EPHB1: variants seen among roughly 807,000 people sequenced by gnomAD.
EPHB1 encodes the protein ephrin type-B receptor 1.
EPHB1 carries 30 observed loss-of-function variants against 94.4 expected under a neutral mutation model. The observed-to-expected ratio is 0.32, with a 90% confidence interval of 0.24 to 0.43. The LOEUF (loss-of-function observed/expected upper bound fraction) is 0.43, where lower values mean the gene tolerates loss of function less well. Ranked by LOEUF, EPHB1 falls within the 20% of genes least tolerant of loss-of-function variation. EPHB1 has a pLI of 1.00. For missense variants in EPHB1, 1,055 were observed against 1,308.3 expected, an observed-to-expected ratio of 0.81 and a Z score of 2.99; for synonymous variants, 522 against 489.1, an observed-to-expected ratio of 1.07 and a Z score of -0.89.
chr3:135,103,343 A>G (rs1043685471), intron 3 of EPHB1, among the ~76,000 whole-genome samples: 1 of 152,334 alleles, frequency 6.6e-6, no homozygotes, highest in African/African-American at 2.4e-5. Context: ...GAAATAATAT[A>G]TGTAGAAACA....
In EPHB1 at chr3:135,192,676, G is replaced by A. The variant is rs891660829; in HGVS notation, c.1983G>A (p.Gln661=). Residue 661 remains glutamine, a synonymous_variant, in exon 11 of 16, where the codon CAG becomes CAA. Transcript: ENST00000398015. ...TGAAGGCAGGGTACTCGGAGAAGCA[G>A]CGTCGGGACTTTCTGAGTGAGGCGA... ...KTLKAGYSEK[Q]RRDFLSEASI... 4 of 1,614,198 alleles carry A rather than the reference G, an allele frequency of 2.5e-6. No homozygotes were observed. Among genetic ancestry groups the A allele is most frequent in the Admixed American group, 3.3e-5 (2 of 60,030 alleles).
chr3:134,862,875 T>C (rs1245200374), intron 1 of EPHB1, among the ~76,000 whole-genome samples: 2 of 152,244 alleles, frequency 1.3e-5, no homozygotes, highest in Non-Finnish European at 2.9e-5. Context: ...AGACTGTACG[T>C]CACACACAGG....
At chr3:135,163,232 T>C (rs1941561302) in intron 7 of EPHB1, among the ~76,000 whole-genome samples, 1 of 152,226 alleles carries the variant, frequency 6.6e-6, no homozygotes, top group Non-Finnish European at 1.5e-5. Context: ...TGGGTTCTTA[T>C]ACAAATCAGG....
intron 1 of EPHB1, among the ~76,000 whole-genome samples, chr3:134,915,577 T>G (rs1411830213): frequency 6.6e-6 from 1 of 152,186 alleles, no homozygotes; most frequent in African/African-American, 2.4e-5. Flanking sequence ...TGGTGAGTGT[T>G]ACAGTTCTTA....
At chr3:134,982,178 T>G (rs1180345315) in intron 3 of EPHB1, among the ~76,000 whole-genome samples, 1 of 152,174 alleles carries the variant, frequency 6.6e-6, no homozygotes. Context: ...AATTTTTTTC[T>G]CTAAATCGTA....
chr3:134,965,113 C>T (rs1235862421), intron 3 of EPHB1, among the ~76,000 whole-genome samples: 1 of 152,008 alleles, frequency 6.6e-6, no homozygotes, highest in East Asian at 1.9e-4. Flanking sequence ...GGATGCCTTC[C>T]TTCTTCAGTC....
chr3:135,110,917 C>T (rs1291467648), intron 4 of EPHB1, among the ~76,000 whole-genome samples: 1 of 152,190 alleles, frequency 6.6e-6, no homozygotes, highest in African/African-American at 2.4e-5. Flanking sequence ...GTCCCTTGGA[C>T]AGACTGCCCA....
At chr3:134,806,400 A>G (rs1385105755) in intron 1 of EPHB1, among the ~76,000 whole-genome samples, 2 of 152,214 alleles carry the variant, frequency 1.3e-5, no homozygotes, top group African/African-American at 4.8e-5. Context: ...GCTCCAGCTC[A>G]AGTCCCAGCC....
intron 3 of EPHB1, among the ~76,000 whole-genome samples, chr3:135,105,734 A>G (rs1293454697): frequency 1.3e-5 from 2 of 152,200 alleles, no homozygotes; most frequent in Admixed American, 1.3e-4. Context: ...TGCATGATAG[A>G]TGACACCAAG....
intron 3 of EPHB1, among the ~76,000 whole-genome samples, chr3:135,001,027 A>G (rs1225739360): frequency 6.6e-6 from 1 of 152,150 alleles, no homozygotes; most frequent in East Asian, 1.9e-4. Context: ...AGGTCTGTTC[A>G]GCTGGCTCGG....
chr3:135,041,894 A>AGG (rs149830871), intron 3 of EPHB1, among the ~76,000 whole-genome samples: 1 of 151,826 alleles, frequency 6.6e-6, no homozygotes, highest in Non-Finnish European at 1.5e-5. Context: ...TGAGAGAGAG[A>AGG]GAGACAGAGA....
intron 7 of EPHB1, among the ~76,000 whole-genome samples, chr3:135,165,548 G>A (rs1234951216): frequency 6.6e-6 from 1 of 152,208 alleles, no homozygotes; most frequent in Non-Finnish European, 1.5e-5. Context: ...TCTGCTCAAT[G>A]AATCTATTGA....
At chr3:135,234,266 G>A (rs529393547) in intron 12 of EPHB1, among the ~76,000 whole-genome samples, 1 of 152,310 alleles carries the variant, frequency 6.6e-6, no homozygotes, top group Admixed American at 6.5e-5. Context: ...GGGGCAAAAA[G>A]CTGCCAGTCT....
intron 15 of EPHB1, among the ~76,000 whole-genome samples, chr3:135,254,837 ATCTGG>A (rs1246886602): frequency 2.6e-5 from 4 of 152,120 alleles, no homozygotes; most frequent in African/African-American, 7.2e-5. Flanking sequence ...CTGTGAATCC[ATCTGG>A]TCCTGGACTC....
At chr3:134,974,420 G>A (rs1427851353) in intron 3 of EPHB1, among the ~76,000 whole-genome samples, 2 of 152,140 alleles carry the variant, frequency 1.3e-5, no homozygotes, top group East Asian at 1.9e-4. Context: ...GGGATTGATA[G>A]TAATCTATTT....
At chr3:135,086,096 G>T (rs1938351192) in intron 3 of EPHB1, among the ~76,000 whole-genome samples, 1 of 152,136 alleles carries the variant, frequency 6.6e-6, no homozygotes, top group South Asian at 2.1e-4. Flanking sequence ...TTGCATTTCT[G>T]TTGTTCTACT....
chr3:134,849,643 A>C (rs753290958), intron 1 of EPHB1, among the ~76,000 whole-genome samples: 1 of 152,152 alleles, frequency 6.6e-6, no homozygotes, highest in Non-Finnish European at 1.5e-5. Context: ...TGCAGCAAGC[A>C]CCCGAGGACA....
chr3:134,963,433 G>A (rs571659271), intron 3 of EPHB1, among the ~76,000 whole-genome samples: 3 of 152,198 alleles, frequency 2.0e-5, no homozygotes, highest in African/African-American at 7.2e-5. Context: ...GCCACTGATG[G>A]TTGTATGATG....
chr3:135,047,590 G>A (rs1174001124), intron 3 of EPHB1, among the ~76,000 whole-genome samples: 1 of 152,166 alleles, frequency 6.6e-6, no homozygotes, highest in Non-Finnish European at 1.5e-5. Context: ...GTACTCAGAG[G>A]TCCCCGAGGC....
Sources: allele counts gnomAD v4.1 joint callset (sites outside exome capture counted in the v4.1 genomes callset), GRCh38; gene constraint gnomAD v4.1.1; transcripts MANE v1.5; gene names NCBI Gene and HGNC (gene_info 2026-07-23, HGNC 2026-07-21).